The following MAGI3 variants were observed in gnomAD, a reference collection of about 807,000 sequenced individuals.
The protein encoded by MAGI3 is membrane associated guanylate kinase, WW and PDZ domain containing 3.
MAGI3 carries 43 observed loss-of-function variants against 121.8 expected under a neutral mutation model. That is an observed-to-expected ratio of 0.35 (90% CI 0.28 to 0.46). The LOEUF (loss-of-function observed/expected upper bound fraction) is 0.46, where lower values mean the gene tolerates loss of function less well. Ranked by LOEUF, MAGI3 falls within the 20% of genes least tolerant of loss-of-function variation. The probability of loss-of-function intolerance (pLI) is 1.00; values close to 1 mark genes in which losing one functional copy is unlikely to be tolerated. For synonymous variants in MAGI3, 553 were observed against 639.3 expected (o/e 0.86, Z 2.04); for missense variants, 1,547 against 1,797.3 (o/e 0.86, Z 2.52).
At chr1:113,641,119 AGATATATAT>A in intron 9 of MAGI3, among the ~76,000 whole-genome samples, 1 of 83,418 alleles carries the variant, frequency 1.2e-5, no homozygotes, top group South Asian at 4.4e-4. Flanking sequence ...AATATATATG[AGATATATAT>A]TATATATATG....
intron 1 of MAGI3, among the ~76,000 whole-genome samples, chr1:113,475,247 T>C (rs563071769): frequency 6.6e-6 from 1 of 152,342 alleles, no homozygotes; most frequent in East Asian, 1.9e-4. Context: ...CTTGCCTGAT[T>C]GCCCCAGCCA....
At chr1:113,548,037 T>G (rs1659615210) in intron 1 of MAGI3, among the ~76,000 whole-genome samples, 1 of 152,218 alleles carries the variant, frequency 6.6e-6, no homozygotes, top group Non-Finnish European at 1.5e-5. Context: ...CTTGCATAGG[T>G]TATGTTCATT....
At chr1:113,545,796 A>G (rs1320523286) in intron 1 of MAGI3, among the ~76,000 whole-genome samples, 2 of 152,234 alleles carry the variant, frequency 1.3e-5, no homozygotes, top group African/African-American at 4.8e-5. Context: ...AAGGCGTAAT[A>G]TTAGCATTTA....
chr1:113,446,958 T>C (rs1654205787), intron 1 of MAGI3, among the ~76,000 whole-genome samples: 1 of 152,178 alleles, frequency 6.6e-6, no homozygotes, highest in Admixed American at 6.5e-5. Context: ...TCAAAAATCA[T>C]AGAGACAGGA....
chr1:113,645,276 G>A (rs773327319), intron 11 of MAGI3, among the ~76,000 whole-genome samples: 52 of 152,004 alleles, frequency 3.4e-4, no homozygotes, highest in Non-Finnish European at 6.2e-4. Flanking sequence ...TGCCCACCTC[G>A]GCCTCCCAAA....
chr1:113,482,069 T>C (rs1656140096), intron 1 of MAGI3, among the ~76,000 whole-genome samples: 1 of 151,888 alleles, frequency 6.6e-6, no homozygotes, highest in Non-Finnish European at 1.5e-5. Context: ...TGTAATAAAC[T>C]TAATATAAAA....
At chr1:113,494,164 C>G (rs1238892215) in intron 1 of MAGI3, among the ~76,000 whole-genome samples, 1 of 152,034 alleles carries the variant, frequency 6.6e-6, no homozygotes, top group Admixed American at 6.5e-5. Flanking sequence ...AAATATACAC[C>G]ATGGCATTCT....
chr1:113,520,268 G>A (rs757173695), intron 1 of MAGI3, among the ~76,000 whole-genome samples: 61 of 150,492 alleles, frequency 4.1e-4, no homozygotes, highest in African/African-American at 1.4e-3. Context: ...AGTTCTTCCT[G>A]TGTAAGTTCC....
chr1:113,567,152 G>C (rs939445888), intron 2 of MAGI3, among the ~76,000 whole-genome samples: 5 of 151,984 alleles, frequency 3.3e-5, no homozygotes, highest in Middle Eastern at 3.4e-3. Context: ...CTGCTGTAGT[G>C]AAAAGTTAGA....
intron 9 of MAGI3, among the ~76,000 whole-genome samples, chr1:113,638,628 C>T (rs1004426986): frequency 8.5e-5 from 13 of 152,328 alleles, no homozygotes; most frequent in Admixed American, 8.5e-4. Context: ...TGTGAGGTGT[C>T]AGTCTGCCCC....
intron 8 of MAGI3, 25 bp downstream of exon 8, chr1:113,619,855 T>G (rs1247464686): frequency 1.3e-6 from 2 of 1,511,132 alleles, no homozygotes; most frequent in Admixed American, 3.4e-5. Flanking sequence ...CAATCTTTTC[T>G]TCTAAGAATA....
chr1:113,490,723 A>G (rs1192132990), intron 1 of MAGI3, among the ~76,000 whole-genome samples: 1 of 152,228 alleles, frequency 6.6e-6, no homozygotes, highest in Non-Finnish European at 1.5e-5. Context: ...AGGGGTTGCA[A>G]TCCTAGTTTC....
chr1:113,626,172 C>T (rs925464775), intron 9 of MAGI3, among the ~76,000 whole-genome samples: 2 of 152,088 alleles, frequency 1.3e-5, no homozygotes, highest in Non-Finnish European at 2.9e-5. Context: ...ACCATGTTAG[C>T]TAGGCTGGTC....
chr1:113,423,580 G>T (rs190597342), intron 1 of MAGI3, among the ~76,000 whole-genome samples: 74 of 152,224 alleles, frequency 4.9e-4, no homozygotes, highest in African/African-American at 1.7e-3. Context: ...TGAGTCTGGG[G>T]GTTTTTATAG....
chr1:113,463,949 C>T (rs1270507826), intron 1 of MAGI3, among the ~76,000 whole-genome samples: 2 of 152,006 alleles, frequency 1.3e-5, no homozygotes, highest in Non-Finnish European at 1.5e-5. Flanking sequence ...GAGATCAAAT[C>T]AGTGTTCTTG....
intron 7 of MAGI3, among the ~76,000 whole-genome samples, chr1:113,616,559 T>G (rs1322437916): frequency 1.3e-5 from 2 of 152,232 alleles, no homozygotes; most frequent in Non-Finnish European, 2.9e-5. Flanking sequence ...AGTTTTTCTT[T>G]GTATTTATTT....
chr1:113,666,644 C>T (rs777816471), intron 16 of MAGI3, among the ~76,000 whole-genome samples: 3 of 152,168 alleles, frequency 2.0e-5, no homozygotes, highest in Non-Finnish European at 4.4e-5. Context: ...TCCAAATTCC[C>T]GTTAATGTTG....
intron 1 of MAGI3, among the ~76,000 whole-genome samples, chr1:113,434,220 C>T (rs1463516034): frequency 6.6e-6 from 1 of 152,190 alleles, no homozygotes; most frequent in Non-Finnish European, 1.5e-5. Flanking sequence ...TCAACATGAG[C>T]TAAATGGTGT....
rs1254524462 is a variant in MAGI3, at chr1:113,390,961, G to T, written c.-73G>T. On this transcript the variant is annotated 5_prime_UTR_variant, in exon 1 of 21. Transcript: ENST00000307546. ...GCTGCGCGGGCCGCCCAGGGCCCCC[G>T]GGCTGAGACGGGGCCGGAGCGGCGC... 8 of 1,363,672 alleles carry T rather than the reference G, an allele frequency of 5.9e-6. No individual in the cohort carries two copies. The highest frequency in any genetic ancestry group is 3.1e-5 in the African/African-American group (2 of 64,480). 84.5% of individuals were successfully genotyped at this position (1,363,672 alleles called of 1,614,324 possible).
Sources: gnomAD v4.1 joint callset for allele counts (sites outside exome capture counted in the v4.1 genomes callset) on GRCh38, gnomAD v4.1.1 for gene constraint, MANE v1.5 for transcripts, NCBI Gene and HGNC (gene_info 2026-07-23, HGNC 2026-07-21) for gene names.